The following COL4A3 variants were observed in gnomAD, a reference collection of about 807,000 sequenced individuals.
COL4A3 encodes collagen alpha-3(IV) chain.
A neutral mutation model predicts 217.4 loss-of-function variants in COL4A3; 135 were observed. That is an observed-to-expected ratio of 0.62 (90% CI 0.54 to 0.72). COL4A3 has a LOEUF of 0.72. COL4A3 is among the 30% of genes least tolerant of loss of function. The pLI is 0.00. For synonymous variants in COL4A3, 690 were observed against 736.3 expected (o/e 0.94, Z 1.02); for missense variants, 1,868 against 2,119.9 (o/e 0.88, Z 2.33).
chr2:227,248,439 C>A lies in COL4A3; in HGVS notation c.469-4C>A, dbSNP rs758949595. ...GATGTTTGATGAACTTCTTCATTTT[C>A]AAGGGTGCTCCTGCTAAAGAAGAAG... is the stretch of plus-strand genomic sequence containing the variant. On this transcript the variant is annotated splice_polypyrimidine_tract_variant and splice_region_variant and intron_variant, in intron 8 of 51. Transcript: ENST00000396578. The A allele has an allele frequency of 3.1e-6, 5 of 1,598,802 alleles. No homozygotes were observed. The highest frequency in any genetic ancestry group is 3.3e-4 in the Middle Eastern group (2 of 6,052).
chr2:227,233,787 G>C (rs1353538455), intron 1 of COL4A3, among the ~76,000 whole-genome samples: 1 of 152,116 alleles, frequency 6.6e-6, no homozygotes, highest in Non-Finnish European at 1.5e-5. Context: ...CACGGGAACA[G>C]CACGCTCACA....
chr2:227,174,848 C>T (rs751666014), intron 1 of COL4A3, among the ~76,000 whole-genome samples: 4 of 152,118 alleles, frequency 2.6e-5, no homozygotes, highest in Admixed American at 6.6e-5. Context: ...CAAGGCCAGA[C>T]GCTAAGATAG....
In COL4A3 at chr2:227,310,134, T is replaced by C. The variant is rs772867914; in HGVS notation, c.4756-642T>C. ...ATCTGTGCCCCTTTTGACATTCATATGGAGATAAAAGCAAAGAAAAATAGT... is the reference window on the plus strand; with the variant it reads ...ATCTGTGCCCCTTTTGACATTCATACGGAGATAAAAGCAAAGAAAAATAGT... On this transcript the variant is annotated intron_variant, in intron 50 of 51. Coordinates refer to ENST00000396578, the MANE Select transcript of COL4A3 (RefSeq NM_000091.5). Among the ~76,000 whole-genome samples the C allele has an allele frequency of 5.9e-5, 9 of 152,374 alleles. No individual in the cohort carries two copies. The East Asian group carries it at 1.2e-3, about 20-fold the overall frequency.
chr2:227,219,025 C>T (rs78078007), intron 1 of COL4A3, among the ~76,000 whole-genome samples: 18,776 of 150,774 alleles, frequency 0.12, 1,362 homozygotes, highest in East Asian at 0.34. Context: ...GACAGAGTCT[C>T]GCTCTGTCCC....
chr2:227,244,964 T>G lies in COL4A3; in HGVS notation c.293T>G (p.Leu98Trp), dbSNP rs768983795. The change falls in exon 5 of 52, where the codon TTG (leucine) becomes TGG (tryptophan). Residue 98 changes from leucine (L) to tryptophan (W), a missense_variant. Around this residue, in one of 2 missense-constraint regions of COL4A3, gnomAD observed 365 missense variants for 333.8 expected, o/e 1.09. Transcript: ENST00000396578. ...GSKGVRGISG[L>W]PGFSGSPGLP... Reference sequence around the variant, plus strand: ...CTATGTCTTCAGGGAATAAGTGGATTGCCAGGATTTTCTGGTTCTCCTGGA... The same window carrying G: ...CTATGTCTTCAGGGAATAAGTGGATGGCCAGGATTTTCTGGTTCTCCTGGA... 1.2e-6 allele frequency: 2 copies of G among 1,613,530 alleles called. No homozygotes were observed. Among genetic ancestry groups the G allele is most frequent in the Admixed American group, 1.7e-5 (1 of 59,992 alleles).
At chr2:227,274,298 A>G (rs2071425070) in intron 26 of COL4A3, among the ~76,000 whole-genome samples, 1 of 150,448 alleles carries the variant, frequency 6.6e-6, no homozygotes, top group African/African-American at 2.4e-5. Context: ...TTAAAGGGTA[A>G]GACCCAGTAA....
At chr2:227,201,355 A>G (rs2066678389) in intron 1 of COL4A3, among the ~76,000 whole-genome samples, 1 of 151,844 alleles carries the variant, frequency 6.6e-6, no homozygotes, top group African/African-American at 2.4e-5. Context: ...AGTTAGGTGG[A>G]ATCAAAAAGC....
chr2:227,295,192 T>C, intron 40 of COL4A3, 77 bp from the exon 41 acceptor site: 1 of 1,525,734 alleles, frequency 6.6e-7, no homozygotes, highest in East Asian at 2.3e-5. Context: ...GTTTTCGGTG[T>C]GTACTAAACT....
intron 1 of COL4A3, among the ~76,000 whole-genome samples, chr2:227,195,102 G>C (rs1465851447): frequency 1.3e-5 from 2 of 151,992 alleles, no homozygotes; most frequent in Non-Finnish European, 2.9e-5. Context: ...ATTATGTCCA[G>C]AAATGACTGT....
intron 1 of COL4A3, among the ~76,000 whole-genome samples, chr2:227,184,062 T>C (rs2065938447): frequency 6.6e-6 from 1 of 152,212 alleles, no homozygotes; most frequent in African/African-American, 2.4e-5. Flanking sequence ...AAATCACTTC[T>C]GTTGCTTGCC....
At position 227,292,945 on chromosome 2, in the gene COL4A3, G is replaced by A. The variant is rs55920965; in HGVS notation, c.3211-246G>A. On this transcript the variant is annotated intron_variant, in intron 37 of 51. Coordinates refer to ENST00000396578, the MANE Select transcript of COL4A3 (RefSeq NM_000091.5). ...GAAGGGCCTCCACACTTGGTCTGAC[G>A]CTATGCTGTTGCTGTCTTGAAATTC... is the stretch of plus-strand genomic sequence containing the variant. 0.11 allele frequency among the ~76,000 whole-genome samples: 17,479 copies of A among 152,166 alleles called. 1,116 individuals carry two copies. Among genetic ancestry groups the A allele is most frequent in the Non-Finnish European group, 0.15 (10,231 of 67,976 alleles).
At position 227,164,783 on chromosome 2, in the gene COL4A3, G is replaced by C; in HGVS notation, c.57G>C (p.Val19=). 3 of 1,520,734 alleles carry C rather than the reference G, an allele frequency of 2.0e-6. No homozygotes were observed. The highest frequency in any genetic ancestry group is 2.6e-6 in the Non-Finnish European group (3 of 1,141,234). The allele number at this position is 1,520,734 out of a possible 1,614,324, so 94.2% of individuals were successfully genotyped here. ...TGCTCCTGCTGCCGCTCCTGCTGGT[G>C]CTCCTGGCGGCGGCGCCCGCAGCCA... is the stretch of plus-strand genomic sequence containing the variant. ...PQVLLLPLLL[V]LLAAAPAASK... is the part of the protein sequence containing the mutation. Residue 19 remains valine, a synonymous_variant, in exon 1 of 52, where the codon GTG becomes GTC. Coordinates refer to ENST00000396578, the MANE Select transcript of COL4A3 (RefSeq NM_000091.5). This position sits in a 1 kb window ranked among gnomAD's most constrained non-coding sequence, Gnocchi z 4.8.
intron 1 of COL4A3, among the ~76,000 whole-genome samples, chr2:227,196,677 G>T (rs1431823704): frequency 6.6e-6 from 1 of 152,116 alleles, no homozygotes; most frequent in South Asian, 2.1e-4. Flanking sequence ...ATACAAACAC[G>T]ATTGCGTTAT....
chr2:227,186,257 G>A (rs2066029676), intron 1 of COL4A3, among the ~76,000 whole-genome samples: 1 of 152,206 alleles, frequency 6.6e-6, no homozygotes, highest in Non-Finnish European at 1.5e-5. Context: ...ATTACATAAT[G>A]AGAAGTCAAA....
intron 26 of COL4A3, among the ~76,000 whole-genome samples, chr2:227,276,001 C>A (rs185113572): frequency 1.3e-5 from 2 of 151,878 alleles, no homozygotes; most frequent in East Asian, 1.9e-4. Context: ...TAAACACATT[C>A]TTTGAGGCTG....
chr2:227,260,096 A>C, intron 19 of COL4A3: 1 of 715,790 alleles, frequency 1.4e-6, no homozygotes, highest in Non-Finnish European at 2.6e-6. Context: ...TTTATGTAGC[A>C]AAACATAAAG....
chr2:227,293,765 A>C, intron 38 of COL4A3: 1 of 470,404 alleles, frequency 2.1e-6, no homozygotes, highest in South Asian at 1.6e-5. Flanking sequence ...CGAGTCTGTG[A>C]TCAAGCTGTC....
Position 227,256,014 on chromosome 2 carries a change from T to C in COL4A3, c.889-12T>C, listed in dbSNP as rs1253315068. On this transcript the variant is annotated splice_polypyrimidine_tract_variant and intron_variant, in intron 15 of 51. Coordinates refer to ENST00000396578, the MANE Select transcript of COL4A3 (RefSeq NM_000091.5). ...TATTACATTTCATGTTTTTGATTTG[T>C]TTTTGCTGTAGGGAAAACCCGGAAA... is the stretch of plus-strand genomic sequence containing the variant. 4 of 1,613,036 alleles carry C rather than the reference T, an allele frequency of 2.5e-6. No homozygotes were observed. Among genetic ancestry groups the C allele is most frequent in the African/African-American group, 1.3e-5 (1 of 74,884 alleles).
intron 5 of COL4A3, among the ~76,000 whole-genome samples, chr2:227,245,525 C>T (rs1009042723): frequency 2.0e-5 from 3 of 151,956 alleles, no homozygotes; most frequent in Non-Finnish European, 4.4e-5. Flanking sequence ...GGAACTAACC[C>T]CCACAGGTGC....
Sources: allele counts gnomAD v4.1 joint callset (sites outside exome capture counted in the v4.1 genomes callset), GRCh38; gene constraint gnomAD v4.1.1; regional missense constraint gnomAD v4.1.1; non-coding constraint Gnocchi (gnomAD v3.1); transcripts MANE v1.5; gene names NCBI Gene and HGNC (gene_info 2026-07-23, HGNC 2026-07-21).